Variants in CAMTA1 observed in about 807,000 individuals in gnomAD.
The protein encoded by CAMTA1 is calmodulin binding transcription activator 1.
CAMTA1 carries 27 observed loss-of-function variants against 170.9 expected under a neutral mutation model. That is an observed-to-expected ratio of 0.16 (90% CI 0.12 to 0.22). The LOEUF (loss-of-function observed/expected upper bound fraction) is 0.22. Ranked by LOEUF, CAMTA1 falls within the 10% of genes least tolerant of loss-of-function variation. The pLI, the probability that CAMTA1 is intolerant of heterozygous loss-of-function variation, is 1.00. For missense variants in CAMTA1, 1,619 were observed against 2,217.2 expected (o/e 0.73, Z 5.42); for synonymous variants, 833 against 891.5 (o/e 0.93, Z 1.17).
chr1:7,476,749 A>C (rs2093425895), intron 6 of CAMTA1, among the ~76,000 whole-genome samples: 1 of 152,170 alleles, frequency 6.6e-6, no homozygotes, highest in South Asian at 2.1e-4. Flanking sequence ...ATGCAGCTTC[A>C]ACATGGCCAT....
intron 5 of CAMTA1, among the ~76,000 whole-genome samples, chr1:7,359,825 G>C (rs907392268): frequency 3.9e-5 from 6 of 152,178 alleles, no homozygotes; most frequent in Non-Finnish European, 7.3e-5. Context: ...TGGGGTCTGC[G>C]TGGGGTTTTT....
intron 4 of CAMTA1, among the ~76,000 whole-genome samples, chr1:7,177,728 C>G (rs1356385514): frequency 6.6e-6 from 1 of 150,756 alleles, no homozygotes; most frequent in Non-Finnish European, 1.5e-5. Context: ...ATTGATTACC[C>G]TCCCACATAC....
At chr1:7,575,305 CTG>C (rs2095177322) in intron 6 of CAMTA1, among the ~76,000 whole-genome samples, 1 of 152,188 alleles carries the variant, frequency 6.6e-6, no homozygotes, top group Non-Finnish European at 1.5e-5. Context: ...TGCCCCGACT[CTG>C]TCTCTCTGGA....
intron 3 of CAMTA1, among the ~76,000 whole-genome samples, chr1:6,925,355 T>C (rs1284164382): frequency 6.6e-6 from 1 of 152,070 alleles, no homozygotes; most frequent in African/African-American, 2.4e-5. Flanking sequence ...CTGTGCCTCG[T>C]GCAAAAAAAG....
At chr1:7,390,438 A>G (rs913940392) in intron 5 of CAMTA1, among the ~76,000 whole-genome samples, 3 of 152,128 alleles carry the variant, frequency 2.0e-5, no homozygotes, top group African/African-American at 4.8e-5. Flanking sequence ...CATGTCCCCA[A>G]AGGAGCCCGC....
At chr1:7,544,696 T>G (rs1026873395) in intron 6 of CAMTA1, among the ~76,000 whole-genome samples, 1 of 152,176 alleles carries the variant, frequency 6.6e-6, no homozygotes, top group African/African-American at 2.4e-5. Context: ...GGCACAGGAT[T>G]CTGGCAGCTG....
intron 4 of CAMTA1, among the ~76,000 whole-genome samples, chr1:7,132,044 C>A (rs1645289168): frequency 8.4e-6 from 1 of 119,232 alleles, no homozygotes; most frequent in South Asian, 3.1e-4. Flanking sequence ...CAGAGTGACT[C>A]TGTTACACAC....
At chr1:6,828,707 G>C (rs1478917492) in intron 3 of CAMTA1, among the ~76,000 whole-genome samples, 1 of 151,918 alleles carries the variant, frequency 6.6e-6, no homozygotes, top group Admixed American at 6.6e-5. Flanking sequence ...AGAGATGAGG[G>C]AGTGTAGGTA....
chr1:6,864,438 T>G (rs1665878850), intron 3 of CAMTA1, among the ~76,000 whole-genome samples: 2 of 152,168 alleles, frequency 1.3e-5, no homozygotes, highest in Admixed American at 1.3e-4. Context: ...TCAGTGGTAC[T>G]CTTGTTCCCA....
At chr1:7,668,388 AAC>A (rs779206499) in intron 9 of CAMTA1, among the ~76,000 whole-genome samples, 4,563 of 101,304 alleles carry the variant, frequency 0.045, 107 homozygotes, top group East Asian at 0.11. Flanking sequence ...GCTGGTCACC[AAC>A]ACACACACAC....
chr1:7,480,791 C>T lies in CAMTA1; in HGVS notation c.510+12890C>T, dbSNP rs184739910. Among the ~76,000 whole-genome samples, 46 of 152,288 alleles carry T rather than the reference C, an allele frequency of 3.0e-4. 1 individual carries two copies. In the East Asian group the frequency reaches 8.3e-3, roughly 27 times the overall value. On this transcript the variant is annotated intron_variant, in intron 6 of 22. Coordinates refer to ENST00000303635, the MANE Select transcript of CAMTA1 (RefSeq NM_015215.4). ...CCTGGGATCATCTCATCCAGCCCCA[C>T]GGCCCCAGTGCCAACTGTATGCTAG... is the stretch of plus-strand genomic sequence containing the variant.
intron 7 of CAMTA1, among the ~76,000 whole-genome samples, chr1:7,648,391 C>G: frequency 8.9e-6 from 1 of 112,786 alleles, no homozygotes; most frequent in South Asian, 2.8e-4. Flanking sequence ...GACTCCACCT[C>G]AAAAAAAAAA....
chr1:6,860,481 A>G (rs1339914144), intron 3 of CAMTA1, among the ~76,000 whole-genome samples: 3 of 151,874 alleles, frequency 2.0e-5, no homozygotes, highest in Non-Finnish European at 4.4e-5. Flanking sequence ...TTTTACCTGA[A>G]CTCCTTGTTC....
At chr1:7,087,395 A>C (rs1021358956) in intron 3 of CAMTA1, among the ~76,000 whole-genome samples, 1 of 152,158 alleles carries the variant, frequency 6.6e-6, no homozygotes, top group African/African-American at 2.4e-5. Flanking sequence ...ATCCTGCTGG[A>C]AGGAGAGAAT....
intron 5 of CAMTA1, among the ~76,000 whole-genome samples, chr1:7,407,033 G>A (rs998830274): frequency 6.6e-6 from 1 of 152,214 alleles, no homozygotes; most frequent in Non-Finnish European, 1.5e-5. Context: ...GCAGCCCGGC[G>A]GCACATGCAA....
intron 6 of CAMTA1, among the ~76,000 whole-genome samples, chr1:7,600,369 G>A (rs564879747): frequency 2.0e-5 from 3 of 152,248 alleles, no homozygotes; most frequent in Non-Finnish European, 2.9e-5. Flanking sequence ...TTTTTGCATC[G>A]AGGTTCATCA....
chr1:7,110,393 A>G (rs1643949462), intron 4 of CAMTA1, among the ~76,000 whole-genome samples: 1 of 152,126 alleles, frequency 6.6e-6, no homozygotes, highest in East Asian at 1.9e-4. Context: ...TGAGGAGCTG[A>G]TGATTAATCC....
In CAMTA1 at chr1:7,286,821, A is replaced by G. The variant is rs894473527; in HGVS notation, c.438+37195A>G. ...TGAGTAGTAAGATATCAGGCAAGTTATTTAACTTTCCTAAGCCTCAGTTTC... is the reference window on the plus strand; with the variant it reads ...TGAGTAGTAAGATATCAGGCAAGTTGTTTAACTTTCCTAAGCCTCAGTTTC... On this transcript the variant is annotated intron_variant, in intron 5 of 22. Transcript: ENST00000303635. This position sits in a 1 kb window ranked among gnomAD's most constrained non-coding sequence, Gnocchi z 4.2. Among the ~76,000 whole-genome samples, 1 of 152,214 alleles carries G rather than the reference A, an allele frequency of 6.6e-6. No homozygotes were observed. The highest frequency in any genetic ancestry group is 2.4e-5 in the African/African-American group (1 of 41,450).
At chr1:7,002,940 G>T (rs1030627004) in intron 3 of CAMTA1, among the ~76,000 whole-genome samples, 1 of 152,310 alleles carries the variant, frequency 6.6e-6, no homozygotes, top group South Asian at 2.1e-4. Context: ...AGAGGACAGC[G>T]CAAAGAAGCC....
Sources: gnomAD v4.1 joint callset for allele counts (sites outside exome capture counted in the v4.1 genomes callset) on GRCh38, gnomAD v4.1.1 for gene constraint, Gnocchi (gnomAD v3.1) non-coding constraint, MANE v1.5 for transcripts, NCBI Gene and HGNC (gene_info 2026-07-23, HGNC 2026-07-21) for gene names.